Variants in METTL25B observed in about 807,000 individuals in gnomAD.
METTL25B encodes the protein methyltransferase-like protein 25B.
METTL25B carries 38 observed loss-of-function variants against 48.4 expected under a neutral mutation model. The ratio of observed to expected loss-of-function variants is 0.78; its 90% CI spans 0.61 to 1.03. The LOEUF (loss-of-function observed/expected upper bound fraction) is 1.03, where lower values mean the gene tolerates loss of function less well. METTL25B is among the 50% of genes least tolerant of loss of function. The pLI is 0.00. For missense variants in METTL25B, 537 were observed against 603.7 expected (o/e 0.89, Z 1.16); for synonymous variants, 230 against 254.5 (o/e 0.90, Z 0.92).
chr1:156,734,611 A>G, intron 6 of METTL25B, 118 bp downstream of exon 6: 1 of 1,153,088 alleles, frequency 8.7e-7, no homozygotes, highest in South Asian at 1.6e-5. Context: ...GGCTCACTGC[A>G]AGCTCTGTCT....
intron 1 of METTL25B, 36 bp from the exon 2 acceptor site, chr1:156,731,952 GGTA>G: frequency 6.2e-7 from 1 of 1,612,556 alleles, no homozygotes; most frequent in Non-Finnish European, 8.5e-7. Flanking sequence ...GAATGGGAGT[GGTA>G]GTAGCTTGCT....
At position 156,734,265 on chromosome 1, in the gene METTL25B, T is replaced by C; in HGVS notation, c.893T>C (p.Leu298Pro). 1.2e-6 allele frequency: 2 copies of C among 1,614,136 alleles called. No homozygotes were observed. Among genetic ancestry groups the C allele is most frequent in the Admixed American group, 1.7e-5 (1 of 60,032 alleles). ...MKLSDPGGYP[L>P]SQWVAGLPGY... ...CTGAGTGACCCTGGCGGCTACCCAC[T>C]GAGTCAGTGGGTGGCTGGGCTGCCT... Residue 298 changes from leucine to proline, a missense_variant, in exon 6 of 8, where the codon CTG becomes CCG. Coordinates refer to ENST00000368216, the MANE Select transcript of METTL25B (RefSeq NM_015997.4).
At chr1:156,732,548 G>T (rs1257687116) in intron 3 of METTL25B, 75 bp downstream of exon 3, 2 of 1,422,330 alleles carry the variant, frequency 1.4e-6, no homozygotes, top group East Asian at 4.7e-5. Context: ...AAATATGTGT[G>T]CCCTTTACCT....
chr1:156,729,448 ACGGAGT>A (rs1649059111), intron 1 of METTL25B: 1 of 332,364 alleles, frequency 3.0e-6, no homozygotes, highest in Admixed American at 6.7e-5. Context: ...TTTTTTTGAG[ACGGAGT>A]CTCGCTCTGT....
chr1:156,736,300 C>T, intron 7 of METTL25B: 1 of 260,142 alleles, frequency 3.8e-6, no homozygotes, highest in Non-Finnish European at 7.4e-6. Flanking sequence ...GCGGAGGTTG[C>T]AGTGAGCCGA....
Position 156,736,927 on chromosome 1 carries a change from A to G in METTL25B, c.*174A>G, listed in dbSNP as rs1649865280. On this transcript the variant is annotated 3_prime_UTR_variant, in exon 8 of 8. Transcript: ENST00000368216. ...TTATGTAATACATTGTAAAGTTTTAATTAATTAAAAATTGGATATCTGTTT... is the reference window on the plus strand; with the variant it reads ...TTATGTAATACATTGTAAAGTTTTAGTTAATTAAAAATTGGATATCTGTTT... The G allele has an allele frequency of 1.6e-6, 1 of 623,678 alleles. No individual in the cohort carries two copies. The highest frequency in any genetic ancestry group is 2.5e-5 in the South Asian group (1 of 40,010). The allele number at this position is 623,678 out of a possible 1,614,324, so 38.6% of individuals were successfully genotyped here.
chr1:156,736,350 C>T (rs1242377700), intron 7 of METTL25B: 1 of 340,430 alleles, frequency 2.9e-6, no homozygotes, highest in Non-Finnish European at 5.4e-6. Flanking sequence ...ACAGAGACTC[C>T]ATCTCAAAAA....
rs759724471 is a variant in METTL25B, at chr1:156,734,513, G to T, written c.1121+20G>T. The T allele has an allele frequency of 5.0e-5, 77 of 1,528,382 alleles. No homozygotes were observed. Among genetic ancestry groups the T allele is most frequent in the Admixed American group, 1.9e-4 (8 of 42,920 alleles). The allele number at this position is 1,528,382 out of a possible 1,614,324, so 94.7% of individuals were successfully genotyped here. A position where few individuals can be genotyped will look rare whatever the true frequency, so the allele number is the denominator to read the frequency against. On this transcript the variant is annotated intron_variant, in intron 6 of 7. Coordinates refer to ENST00000368216, the MANE Select transcript of METTL25B (RefSeq NM_015997.4). ...TGAAGAGTGAGGTTGGGGGACGGGTGGGGGGCAGTGGAGAGGAGATTTCTT... is the reference window on the plus strand; with the variant it reads ...TGAAGAGTGAGGTTGGGGGACGGGTTGGGGGCAGTGGAGAGGAGATTTCTT...
At chr1:156,733,101 C>T in intron 4 of METTL25B, 54 bp downstream of exon 4, 1 of 1,529,758 alleles carries the variant, frequency 6.5e-7, no homozygotes, top group Non-Finnish European at 9.0e-7. Flanking sequence ...CATAGAACAC[C>T]TGGAAGGCAG....
At position 156,734,382 on chromosome 1, in the gene METTL25B, G is replaced by A. The variant is rs564040904; in HGVS notation, c.1010G>A (p.Arg337Gln). Residue 337 changes from arginine to glutamine, a missense_variant, in exon 6 of 8, where the codon CGA becomes CAA. Transcript: ENST00000368216. ...ERLQKAGPGL[R>Q]THCYRAALET... The stretch of plus-strand genomic sequence containing the variant: ...CTACAGAAAGCTGGCCCTGGCCTTC[G>A]AACTCACTGCTACCGTGCAGCACTG... 18 of 1,613,738 alleles carry A rather than the reference G, an allele frequency of 1.1e-5. No homozygotes were observed. Among genetic ancestry groups the A allele is most frequent in the South Asian group, 8.8e-5 (8 of 91,036 alleles).
In METTL25B at chr1:156,733,433, A is replaced by C. The variant is rs763850097; in HGVS notation, c.549A>C (p.Glu183Asp). ...TGGGGTTGATGGTGAAGAGCATCGA[A>C]GGGGATCAGAGACTGGTGGAGAGAG... ...LGLGLMVKSIEGDQRLVERAQ... is the reference protein window; with the variant it reads ...LGLGLMVKSIDGDQRLVERAQ... The change falls in exon 5 of 8, where the codon GAA becomes GAC. Residue 183 changes from glutamate (E) to aspartate (D), a missense_variant. By Grantham distance (45) the Glu-to-Asp change is conservative (BLOSUM62 2). Coordinates refer to ENST00000368216, the MANE Select transcript of METTL25B (RefSeq NM_015997.4). 221 of 1,613,904 alleles carry C rather than the reference A, an allele frequency of 1.4e-4. No homozygotes were observed. Among genetic ancestry groups the C allele is most frequent in the Non-Finnish European group, 1.8e-4 (210 of 1,179,956 alleles).
Position 156,736,769 on chromosome 1 carries a change from C to T in METTL25B, c.*16C>T, listed in dbSNP as rs1032005754. The T allele has an allele frequency of 2.5e-6, 4 of 1,605,184 alleles. No individual in the cohort carries two copies. The highest frequency in any genetic ancestry group is 1.3e-5 in the African/African-American group (1 of 74,844). Reference sequence around the variant, plus strand: ...AGACAGCTGATGCAGCCTGAGGAAACATCTCAGACCCCATCATCTGAAAGT... The same window carrying T: ...AGACAGCTGATGCAGCCTGAGGAAATATCTCAGACCCCATCATCTGAAAGT... On this transcript the variant is annotated 3_prime_UTR_variant, in exon 8 of 8. Coordinates refer to ENST00000368216, the MANE Select transcript of METTL25B (RefSeq NM_015997.4).
intron 3 of METTL25B, 132 bp downstream of exon 3, chr1:156,732,605 A>G: frequency 1.2e-6 from 1 of 802,548 alleles, no homozygotes; most frequent in Non-Finnish European, 1.9e-6. Context: ...CTCAACAGAC[A>G]TAACTAATCA....
At position 156,728,677 on chromosome 1, in the gene METTL25B, A is replaced by G; in HGVS notation, c.-428A>G. On this transcript the variant is annotated 5_prime_UTR_variant, in exon 1 of 8. Coordinates refer to ENST00000368216, the MANE Select transcript of METTL25B (RefSeq NM_015997.4). ...CCGGCCCCTCTAGCCCCGTGGTGGTACAACGCGAAGGTGTGGGAAGGCCGC... is the reference window on the plus strand; with the variant it reads ...CCGGCCCCTCTAGCCCCGTGGTGGTGCAACGCGAAGGTGTGGGAAGGCCGC... 10 of 988,166 alleles carry G rather than the reference A, an allele frequency of 1.0e-5. No individual in the cohort carries two copies. The highest frequency in any genetic ancestry group is 1.2e-5 in the Non-Finnish European group (10 of 831,248). The allele number at this position is 988,166 out of a possible 1,614,324, so 61.2% of individuals were successfully genotyped here.
At chr1:156,736,492 T>C (rs1323404701) in intron 7 of METTL25B, 140 bp from the exon 8 acceptor site, 2 of 913,576 alleles carry the variant, frequency 2.2e-6, no homozygotes, top group African/African-American at 3.3e-5. Flanking sequence ...GGAACCCGTG[T>C]TCCTTATGGA....
At position 156,733,522 on chromosome 1, in the gene METTL25B, T is replaced by A. The variant is rs953552386; in HGVS notation, c.636+2T>A. The A allele has an allele frequency of 6.2e-7, 1 of 1,613,490 alleles. No homozygotes were observed. Among genetic ancestry groups the A allele is most frequent in the African/African-American group, 1.3e-5 (1 of 75,008 alleles). ...AAAGAGGAGAAGAGGAACCCGCAGG[T>A]AGGCCAACCCTTCCTGCGACCTGGA... On this transcript the variant is annotated splice_donor_variant, in intron 5 of 7. Transcript: ENST00000368216. LOFTEE classifies it high-confidence loss of function.
At chr1:156,734,616 C>G (rs910541212) in intron 6 of METTL25B, 123 bp downstream of exon 6, 1 of 1,128,634 alleles carries the variant, frequency 8.9e-7, no homozygotes, top group African/African-American at 1.6e-5. Flanking sequence ...ACTGCAAGCT[C>G]TGTCTCCTGG....
Position 156,733,388 on chromosome 1 carries a change from C to T in METTL25B, c.504C>T (p.Ser168=). 1 of 1,614,100 alleles carries T rather than the reference C, an allele frequency of 6.2e-7. No homozygotes were observed. Among genetic ancestry groups the T allele is most frequent in the Non-Finnish European group, 8.5e-7 (1 of 1,180,010 alleles). The change falls in exon 5 of 8, where the codon TCC becomes TCT. Residue 168 remains serine, a synonymous_variant. Coordinates refer to ENST00000368216, the MANE Select transcript of METTL25B (RefSeq NM_015997.4). ...CCTCGTGACTCCAGGGCCATCTCTC[C>T]CGCTTCATGGCTCTTGGCCTGGGGT... ...VDVGSGQGHL[S]RFMALGLGLM...
rs1039967878 is a variant in METTL25B at position 156,735,769 on chromosome 1, T to C, written c.1166T>C (p.Leu389Pro). 5 of 1,612,054 alleles carry C rather than the reference T, an allele frequency of 3.1e-6. No individual in the cohort carries two copies. The highest frequency in any genetic ancestry group is 4.2e-6 in the Non-Finnish European group (5 of 1,179,576). ...GLQRVGLDPQ[L>P]PLNLAALQAH... ...CAGCGAGTGGGGCTAGATCCCCAGC[T>C]GCCACTGAATCTGGCTGCCCTTCAG... is the stretch of plus-strand genomic sequence containing the variant. Residue 389 changes from leucine to proline, a missense_variant, in exon 7 of 8, where the codon CTG becomes CCG. Coordinates refer to ENST00000368216, the MANE Select transcript of METTL25B (RefSeq NM_015997.4).
Sources: allele counts gnomAD v4.1 joint callset, GRCh38; gene constraint gnomAD v4.1.1; transcripts MANE v1.5; gene names NCBI Gene and HGNC (gene_info 2026-07-23, HGNC 2026-07-21).